Variants in PVT1 observed in about 807,000 individuals in gnomAD.
PVT1 encodes the protein CXCR4/PVT1 fusion.
At chr8:128,085,525 C>T (rs1386383206) in intron 5 of PVT1, among the ~76,000 whole-genome samples, 1 of 152,078 alleles carries the variant, frequency 6.6e-6, no homozygotes, top group Admixed American at 6.5e-5. Context: ...TCAGGTTTCT[C>T]ATCTGTAAGT....
chr8:128,091,287 T>C (rs1586515682), intron 5 of PVT1, among the ~76,000 whole-genome samples: 1 of 152,132 alleles, frequency 6.6e-6, no homozygotes, highest in African/African-American at 2.4e-5. Context: ...GAGATGATTA[T>C]ACAACCTGCA....
At chr8:127,834,196 C>G (rs1416928986) in intron 2 of PVT1, among the ~76,000 whole-genome samples, 1 of 152,130 alleles carries the variant, frequency 6.6e-6, no homozygotes, top group Non-Finnish European at 1.5e-5. Context: ...GTAGCCAAAA[C>G]AGCATGATAC....
chr8:128,057,264 A>C (rs1406000135), intron 4 of PVT1, among the ~76,000 whole-genome samples: 2 of 135,134 alleles, frequency 1.5e-5, no homozygotes, highest in African/African-American at 5.6e-5. Flanking sequence ...TTTTCTTATT[A>C]CTTACCATGT....
chr8:127,863,470 T>C (rs1194115460), intron 2 of PVT1, among the ~76,000 whole-genome samples: 1 of 152,174 alleles, frequency 6.6e-6, no homozygotes, highest in Non-Finnish European at 1.5e-5. Context: ...CTCTCTTCCC[T>C]TCTGTCTTCA....
At chr8:127,857,198 C>T (rs937869193) in intron 2 of PVT1, among the ~76,000 whole-genome samples, 1 of 151,892 alleles carries the variant, frequency 6.6e-6, no homozygotes, top group African/African-American at 2.4e-5. Flanking sequence ...TGTACTCCAC[C>T]CTGGGATACG....
intron 2 of PVT1, among the ~76,000 whole-genome samples, chr8:127,870,342 A>G (rs1005527627): frequency 1.3e-5 from 2 of 152,206 alleles, no homozygotes; most frequent in Non-Finnish European, 2.9e-5. Flanking sequence ...GAGGCAAGGA[A>G]GGATCTTTCA....
intron 2 of PVT1, among the ~76,000 whole-genome samples, chr8:127,845,903 G>A (rs1179232378): frequency 1.3e-5 from 2 of 152,300 alleles, no homozygotes; most frequent in African/African-American, 2.4e-5. Flanking sequence ...AAAACTCGGC[G>A]GAAAGGTCAC....
At chr8:128,030,364 A>G (rs187131769) in intron 4 of PVT1, among the ~76,000 whole-genome samples, 181 of 152,356 alleles carry the variant, frequency 1.2e-3, no homozygotes, top group South Asian at 1.2e-3. Flanking sequence ...GAAAAAGTAA[A>G]GAATAGGTTC....
intron 4 of PVT1, among the ~76,000 whole-genome samples, chr8:128,012,276 G>C (rs1817323168): frequency 6.6e-6 from 1 of 152,122 alleles, no homozygotes; most frequent in African/African-American, 2.4e-5. Context: ...TTGGACCTGG[G>C]TCTCTACTGT....
At chr8:127,936,032 CTCT>C (rs1481876454) in intron 3 of PVT1, among the ~76,000 whole-genome samples, 1 of 134,762 alleles carries the variant, frequency 7.4e-6, no homozygotes, top group Non-Finnish European at 1.6e-5. Flanking sequence ...CTCTCTCTCT[CTCT>C]TTTTTTTTTT....
chr8:127,873,918 T>C (rs1220346933), intron 2 of PVT1, among the ~76,000 whole-genome samples: 3 of 152,234 alleles, frequency 2.0e-5, no homozygotes, highest in African/African-American at 7.2e-5. Flanking sequence ...AGTAAATGTC[T>C]AGTGGATGAA....
intron 4 of PVT1, among the ~76,000 whole-genome samples, chr8:128,016,655 A>G (rs1563666607): frequency 6.6e-6 from 1 of 152,206 alleles, no homozygotes; most frequent in East Asian, 1.9e-4. Flanking sequence ...GAATTCTCCT[A>G]CAGGCTCACC....
At chr8:127,820,956 G>A (rs1412422442) in intron 2 of PVT1, among the ~76,000 whole-genome samples, 3 of 152,092 alleles carry the variant, frequency 2.0e-5, no homozygotes, top group South Asian at 2.1e-4. Flanking sequence ...TGATCCGCCC[G>A]CCTTGGTCTC....
intron 2 of PVT1, among the ~76,000 whole-genome samples, chr8:127,797,042 C>A (rs186439514): frequency 1.3e-5 from 2 of 152,228 alleles, no homozygotes; most frequent in Non-Finnish European, 2.9e-5. Flanking sequence ...CCACACCCAG[C>A]TAATTTTGTA....
chr8:127,967,495 G>C (rs999323532), intron 3 of PVT1, among the ~76,000 whole-genome samples: 2 of 152,236 alleles, frequency 1.3e-5, no homozygotes, highest in African/African-American at 4.8e-5. Context: ...CAAGTGGTGT[G>C]TTCATCTGTG....
intron 4 of PVT1, among the ~76,000 whole-genome samples, chr8:128,028,888 G>T (rs1034237542): frequency 2.8e-4 from 42 of 152,064 alleles, no homozygotes; most frequent in African/African-American, 9.9e-4. Flanking sequence ...TGTCACCCAG[G>T]CTGGAATGCA....
At chr8:127,910,796 A>G (rs1000011972) in intron 3 of PVT1, among the ~76,000 whole-genome samples, 6 of 152,140 alleles carry the variant, frequency 3.9e-5, no homozygotes, top group African/African-American at 1.2e-4. Context: ...CTAATGTCAC[A>G]CTGCTGAAAG....
chr8:127,846,645 G>A (rs1815037589), intron 2 of PVT1, among the ~76,000 whole-genome samples: 1 of 152,078 alleles, frequency 6.6e-6, no homozygotes, highest in African/African-American at 2.4e-5. Context: ...AAATGGGTCT[G>A]CACAATATAA....
chr8:127,936,034 CTTTTT>C (rs937905808), intron 3 of PVT1, among the ~76,000 whole-genome samples: 2 of 101,270 alleles, frequency 2.0e-5, no homozygotes, highest in Admixed American at 1.0e-4. Context: ...CTCTCTCTCT[CTTTTT>C]TTTTTTTTTT....
Sources: gnomAD v4.1 joint callset for allele counts (sites outside exome capture counted in the v4.1 genomes callset) on GRCh38, gnomAD v4.1.1 for gene constraint, MANE v1.5 for transcripts, NCBI Gene and HGNC (gene_info 2026-07-23, HGNC 2026-07-21) for gene names.